The following CYP11B2 variants were observed in gnomAD, a reference collection of about 807,000 sequenced individuals.
The protein encoded by CYP11B2 is cytochrome P450 11B2, mitochondrial.
Under a neutral mutation model 49.3 loss-of-function variants are expected in CYP11B2, and 38 were observed. That is an observed-to-expected ratio of 0.77 (90% CI 0.59 to 1.01). The LOEUF is 1.01. CYP11B2 is among the 50% of genes least tolerant of loss of function. The pLI is 0.00. For missense variants in CYP11B2, 669 were observed against 655.5 expected (o/e 1.02, Z -0.23); for synonymous variants, 290 against 269.3 (o/e 1.08, Z -0.75).
rs4538 is a variant in CYP11B2, at chr8:142,913,286, G to T, written c.1120C>A (p.Arg374=). 916,335 of 1,610,144 alleles carry T rather than the reference G, an allele frequency of 0.57. 263,098 individuals are homozygous for T. Among genetic ancestry groups the T allele is most frequent in the East Asian group, 0.81 (35,982 of 44,594 alleles). ...LLRAALKETL[R]LYPVGLFLER... ...AGGGAGGCCTCAGCCAGCACCCACC[G>T]CAAGGTCTCCTTGAGGGCCGCCCGC... The change falls in exon 6 of 9, where the codon CGG becomes AGG. Residue 374 remains arginine, a splice_region_variant and synonymous_variant. Coordinates refer to ENST00000323110, the MANE Select transcript of CYP11B2 (RefSeq NM_000498.3).
intron 5 of CYP11B2, among the ~76,000 whole-genome samples, chr8:142,913,690 C>T (rs978285582): frequency 1.2e-4 from 19 of 152,242 alleles, no homozygotes; most frequent in African/African-American, 3.9e-4. Context: ...CTCTTCAGGG[C>T]GGGTTCTCAC....
chr8:142,913,437 C>G lies in CYP11B2; in HGVS notation c.969G>C (p.Leu323Phe), dbSNP rs773436263. 5 of 1,614,034 alleles carry G rather than the reference C, an allele frequency of 3.1e-6. No homozygotes were observed. Among genetic ancestry groups the G allele is most frequent in the Non-Finnish European group, 4.2e-6 (5 of 1,180,006 alleles). ...GAGCCAGCTCAAAGAGCGTCATCAG[C>G]AAGGGAAACGCTGTCTACAGAAGCC... is the stretch of plus-strand genomic sequence containing the variant. ...AGSVDTTAFP[L>F]LMTLFELARN... Residue 323 changes from leucine to phenylalanine, a missense_variant, in exon 6 of 9, where the codon TTG becomes TTC. Transcript: ENST00000323110.
chr8:142,912,310 A>T (rs1817550082), intron 8 of CYP11B2, among the ~76,000 whole-genome samples: 1 of 151,508 alleles, frequency 6.6e-6, no homozygotes, highest in Non-Finnish European at 1.5e-5. Context: ...TACAGGCTCC[A>T]CCCCACTCCC....
intron 2 of CYP11B2, 130 bp downstream of exon 2, chr8:142,916,929 G>A (rs1284461888): frequency 2.1e-6 from 3 of 1,421,024 alleles, no homozygotes; most frequent in Non-Finnish European, 2.9e-6. Flanking sequence ...TCTGGGCCGG[G>A]TGCTCACCCT....
Position 142,917,116 on chromosome 8 carries a change from A to C in CYP11B2, c.338T>G (p.Leu113Arg), listed in dbSNP as rs1817661197. The C allele has an allele frequency of 6.2e-7, 1 of 1,614,206 alleles. No homozygotes were observed. The highest frequency in any genetic ancestry group is 8.5e-7 in the Non-Finnish European group (1 of 1,180,018). ...VDSLHPCRMILEPWVAYRQHR... is the reference protein window; with the variant it reads ...VDSLHPCRMIREPWVAYRQHR... ...TTGTCTGTAGGCCACCCAGGGCTCC[A>C]GGATCATCCTGCAGGGATGCAGGCT... Residue 113 changes from leucine (L) to arginine (R), a missense_variant, in exon 2 of 9, where the codon CTG becomes CGG. Coordinates refer to ENST00000323110, the MANE Select transcript of CYP11B2 (RefSeq NM_000498.3).
chr8:142,912,245 C>T (rs1235267019), intron 8 of CYP11B2, 152 bp from the exon 9 acceptor site: 31 of 1,397,110 alleles, frequency 2.2e-5, no homozygotes, highest in Non-Finnish European at 2.8e-5. Flanking sequence ...CCCCACCTTA[C>T]GGACCAGGCC....
At chr8:142,913,582 C>G (rs562509678) in intron 5 of CYP11B2, 131 bp from the exon 6 acceptor site, 2 of 1,102,566 alleles carry the variant, frequency 1.8e-6, no homozygotes, top group Non-Finnish European at 2.7e-6. Context: ...GCCCTGGGAC[C>G]CCGGATCTGA....
intron 6 of CYP11B2, among the ~76,000 whole-genome samples, 164 bp downstream of exon 6, chr8:142,913,121 G>A (rs190519827): frequency 1.5e-4 from 23 of 152,118 alleles, no homozygotes; most frequent in African/African-American, 5.5e-4. Flanking sequence ...GGATTCCAGA[G>A]GAAGAAGAGC....
intron 2 of CYP11B2, chr8:142,916,392 G>A (rs533064206): frequency 4.8e-5 from 22 of 456,456 alleles, no homozygotes; most frequent in East Asian, 2.1e-4. Flanking sequence ...TCCTTCCCCC[G>A]TCCTAATGAC....
At position 142,917,589 on chromosome 8, in the gene CYP11B2, G is replaced by A; in HGVS notation, c.239+13C>T. 1 of 1,614,178 alleles carries A rather than the reference G, an allele frequency of 6.2e-7. No homozygotes were observed. On this transcript the variant is annotated intron_variant, in intron 1 of 8. Coordinates refer to ENST00000323110, the MANE Select transcript of CYP11B2 (RefSeq NM_000498.3). ...ATCTGGGTGTTCCCAGCGAGGGCCA[G>A]GGAGGGCTTTACCTGAAAATGGGCC...
chr8:142,912,402 C>A (rs1817551236), intron 8 of CYP11B2, 128 bp downstream of exon 8: 11 of 1,094,876 alleles, frequency 1.0e-5, no homozygotes, highest in Non-Finnish European at 1.3e-5. Flanking sequence ...CCTGGTCACG[C>A]CGACCTCAAC....
chr8:142,914,525 T>C (rs1231065285), intron 4 of CYP11B2, 107 bp from the exon 5 acceptor site: 3 of 1,443,564 alleles, frequency 2.1e-6, no homozygotes, highest in Non-Finnish European at 2.9e-6. Flanking sequence ...CCTGCTCTCA[T>C]CCCAAATTCT....
chr8:142,912,224 C>G, intron 8 of CYP11B2, 131 bp from the exon 9 acceptor site: 2 of 1,488,426 alleles, frequency 1.3e-6, no homozygotes, highest in Non-Finnish European at 1.8e-6. Flanking sequence ...ACCTATCCCA[C>G]TTCTGACCAG....
In CYP11B2 at chr8:142,911,273, A is replaced by G. The variant is rs1817529408; in HGVS notation, c.*707T>C. On this transcript the variant is annotated 3_prime_UTR_variant, in exon 9 of 9. Coordinates refer to ENST00000323110, the MANE Select transcript of CYP11B2 (RefSeq NM_000498.3). ...CAGGGGACAGCTCAGGAAGCAGAGG[A>G]CCCAACACTCGCTGCTTGAACAAGA... 6.6e-6 allele frequency: 1 copy of G among 152,462 alleles called. No homozygotes were observed. Among genetic ancestry groups the G allele is most frequent in the Admixed American group, 6.5e-5 (1 of 15,324 alleles). 9.4% of individuals were successfully genotyped at this position (152,462 alleles called of 1,614,324 possible). A position where few individuals can be genotyped will look rare whatever the true frequency, so the allele number is the denominator to read the frequency against.
rs371750102 is a variant in CYP11B2, at chr8:142,916,177, G to A, written c.395+882C>T. ...ATGCAAGACACACACACATACAGGA[G>A]CGCTCCCCTTCCTTCCATTATGCGC... On this transcript the variant is annotated intron_variant, in intron 2 of 8. Coordinates refer to ENST00000323110, the MANE Select transcript of CYP11B2 (RefSeq NM_000498.3). Among the ~76,000 whole-genome samples the A allele has an allele frequency of 3.9e-5, 6 of 152,192 alleles. No individual in the cohort carries two copies. In the East Asian group the frequency reaches 5.8e-4, roughly 15 times the overall value.
At position 142,912,534 on chromosome 8, in the gene CYP11B2, TGCAGCA is replaced by T. The variant is rs776404064; in HGVS notation, c.1388_1393del (p.Leu463_Leu464del). Reference sequence around the variant, plus strand: ...CCCGCCCCCAGGCCTGCTTACGTGGTGCAGCAGCAGCAGCATCTCTGCCTCTGCCAG... The same window carrying T: ...CCCGCCCCCAGGCCTGCTTACGTGGTGCAGCAGCATCTCTGCCTCTGCCAG... On this transcript the variant is annotated inframe_deletion, in exon 8 of 9. Transcript: ENST00000323110. 6.2e-7 allele frequency: 1 copy of T among 1,601,526 alleles called. No individual in the cohort carries two copies. The highest frequency in any genetic ancestry group is 1.3e-5 in the African/African-American group (1 of 74,372).
At chr8:142,915,800 G>T (rs1817634090) in intron 2 of CYP11B2, among the ~76,000 whole-genome samples, 1 of 151,250 alleles carries the variant, frequency 6.6e-6, no homozygotes, top group Admixed American at 6.6e-5. Flanking sequence ...CCCACAGCCA[G>T]AGTGCGTGGG....
intron 5 of CYP11B2, chr8:142,913,970 C>T: frequency 1.8e-6 from 1 of 559,328 alleles, no homozygotes; most frequent in East Asian, 4.1e-5. Context: ...CAGAGCTTTC[C>T]AGTGGGGACA....
rs1255714954 is a variant in CYP11B2 at position 142,914,757 on chromosome 8, G to C, written c.747C>G (p.Ser249Arg). 6.2e-7 allele frequency: 1 copy of C among 1,613,546 alleles called. No homozygotes were observed. Among genetic ancestry groups the C allele is most frequent in the South Asian group, 1.1e-5 (1 of 90,968 alleles). The change falls in exon 4 of 9, where the codon AGC becomes AGG. Residue 249 changes from serine (S) to arginine (R), a missense_variant. Physicochemically the swap from Ser to Arg is moderately radical, Grantham distance 110. Transcript: ENST00000323110. ...FMPRSLSRWI[S>R]PKVWKEHFEA... ...CAAAGTGCTCCTTCCACACCTTGGG[G>C]CTGATCCAGCGAGACAGGCTCCTGG...
Sources: allele counts gnomAD v4.1 joint callset (sites outside exome capture counted in the v4.1 genomes callset), GRCh38; gene constraint gnomAD v4.1.1; transcripts MANE v1.5; gene names NCBI Gene and HGNC (gene_info 2026-07-23, HGNC 2026-07-21).